Variants in SGCZ observed in about 807,000 individuals in gnomAD.
SGCZ encodes zeta-sarcoglycan.
In SGCZ, 40 loss-of-function variants were observed where a neutral mutation model predicts 41.3. That is an observed-to-expected ratio of 0.97 (90% CI 0.75 to 1.26). SGCZ has a LOEUF of 1.26. Among genes scored for constraint, SGCZ ranks in the 50% most tolerant of loss-of-function variants. The pLI is 0.00. For missense variants in SGCZ, 552 were observed against 369.8 expected (o/e 1.49, Z -4.04); for synonymous variants, 206 against 137.5 (o/e 1.50, Z -3.49).
intron 2 of SGCZ, among the ~76,000 whole-genome samples, chr8:14,337,673 C>G (rs1287838306): frequency 5.9e-5 from 9 of 152,056 alleles, no homozygotes; most frequent in African/African-American, 2.2e-4. Context: ...GAAAACCTAC[C>G]AAATGAGTAT....
chr8:15,052,321 A>G (rs1804544054), intron 1 of SGCZ, among the ~76,000 whole-genome samples: 1 of 152,244 alleles, frequency 6.6e-6, no homozygotes, highest in South Asian at 2.1e-4. Context: ...AATGAAGAAG[A>G]TGAAAAGAGG....
At chr8:14,372,815 C>G (rs1803961120) in intron 2 of SGCZ, among the ~76,000 whole-genome samples, 1 of 151,884 alleles carries the variant, frequency 6.6e-6, no homozygotes. Context: ...CAAGGAGAAA[C>G]AAATGAGACC....
At chr8:14,983,571 C>T (rs1801739233) in intron 1 of SGCZ, among the ~76,000 whole-genome samples, 1 of 151,912 alleles carries the variant, frequency 6.6e-6, no homozygotes, top group South Asian at 2.1e-4. Context: ...TCTCACACTC[C>T]CAGCCTCAAA....
At chr8:14,934,646 TAAGAC>T (rs1383193853) in intron 1 of SGCZ, among the ~76,000 whole-genome samples, 4 of 151,688 alleles carry the variant, frequency 2.6e-5, no homozygotes, top group Non-Finnish European at 4.4e-5. Flanking sequence ...GAAGCAAAAT[TAAGAC>T]AGAATGAGGG....
chr8:14,356,741 T>C (rs941093270), intron 2 of SGCZ, among the ~76,000 whole-genome samples: 3 of 152,106 alleles, frequency 2.0e-5, no homozygotes. Context: ...TTTAATATTG[T>C]CTTTTCAATA....
intron 1 of SGCZ, among the ~76,000 whole-genome samples, chr8:15,226,304 T>G (rs1175843634): frequency 6.6e-6 from 1 of 152,198 alleles, no homozygotes; most frequent in African/African-American, 2.4e-5. Context: ...ATAAGAAATC[T>G]GACCAAACTG....
chr8:15,209,108 T>TC (rs397771267), intron 1 of SGCZ, among the ~76,000 whole-genome samples: 2 of 151,370 alleles, frequency 1.3e-5, no homozygotes, highest in Non-Finnish European at 3.0e-5. Flanking sequence ...ACAAATATCT[T>TC]AGTTTTTCCA....
At chr8:14,908,249 G>A (rs757033725) in intron 1 of SGCZ, among the ~76,000 whole-genome samples, 7 of 152,020 alleles carry the variant, frequency 4.6e-5, no homozygotes, top group South Asian at 2.1e-4. Flanking sequence ...CAATTGGTCC[G>A]CAAAATGTTC....
At chr8:15,160,229 T>C (rs1266297770) in intron 1 of SGCZ, among the ~76,000 whole-genome samples, 1 of 152,210 alleles carries the variant, frequency 6.6e-6, no homozygotes, top group Non-Finnish European at 1.5e-5. Context: ...ATTTGTCTTT[T>C]TGTGGCAGGA....
intron 3 of SGCZ, among the ~76,000 whole-genome samples, chr8:14,268,842 G>T (rs1283559154): frequency 1.3e-5 from 2 of 151,748 alleles, no homozygotes; most frequent in South Asian, 4.1e-4. Context: ...CTTGAAGTAT[G>T]TTAAAAACGT....
Position 14,185,667 on chromosome 8 carries a change from T to G in SGCZ, c.425-20965A>C, listed in dbSNP as rs150563867. ...CTATCTTACTACCCATTGTTTTGTTTTGTTGTGTTTTGTTTTGTTTTGTTT... is the reference window on the plus strand; with the variant it reads ...CTATCTTACTACCCATTGTTTTGTTGTGTTGTGTTTTGTTTTGTTTTGTTT... On this transcript the variant is annotated intron_variant, in intron 4 of 7. Coordinates refer to ENST00000382080, the MANE Select transcript of SGCZ (RefSeq NM_139167.4). Among the ~76,000 whole-genome samples the G allele has an allele frequency of 1.7e-4, 26 of 152,270 alleles. No individual in the cohort carries two copies. The East Asian group carries it at 4.6e-3, about 27-fold the overall frequency.
At chr8:14,974,352 G>C (rs916518528) in intron 1 of SGCZ, among the ~76,000 whole-genome samples, 1 of 152,044 alleles carries the variant, frequency 6.6e-6, no homozygotes, top group Non-Finnish European at 1.5e-5. Context: ...GATATGTTTT[G>C]ACCAGGAAGT....
intron 2 of SGCZ, among the ~76,000 whole-genome samples, chr8:14,333,005 G>C (rs1056444328): frequency 6.6e-6 from 1 of 151,226 alleles, no homozygotes; most frequent in African/African-American, 2.4e-5. Flanking sequence ...AATCCAGTAG[G>C]AACACTTGGA....
intron 1 of SGCZ, among the ~76,000 whole-genome samples, chr8:14,757,489 C>G (rs1402905318): frequency 6.6e-6 from 1 of 152,148 alleles, no homozygotes; most frequent in Non-Finnish European, 1.5e-5. Flanking sequence ...CTAACTATAC[C>G]TAAGAGTTCA....
At chr8:14,441,737 AC>A (rs1800277151) in intron 2 of SGCZ, among the ~76,000 whole-genome samples, 1 of 152,054 alleles carries the variant, frequency 6.6e-6, no homozygotes, top group Non-Finnish European at 1.5e-5. Flanking sequence ...TGCTCTTCTT[AC>A]TTCTCTCCTT....
At chr8:14,534,635 G>C (rs1446112571) in intron 2 of SGCZ, among the ~76,000 whole-genome samples, 1 of 151,806 alleles carries the variant, frequency 6.6e-6, no homozygotes, top group Non-Finnish European at 1.5e-5. Context: ...CAGGAGGGAG[G>C]AGGAACCTTA....
Position 14,209,311 on chromosome 8 carries a change from C to G in SGCZ, c.424+28281G>C, listed in dbSNP as rs116891435. 1.8e-4 allele frequency among the ~76,000 whole-genome samples: 28 copies of G among 152,108 alleles called. 1 individual carries two copies. The highest frequency in any genetic ancestry group is 2.9e-5 in the Non-Finnish European group (2 of 68,022). ...AGAATTCTTATTCAGAAGCCCCTCT[C>G]TCTCACCAGGGAGAGAGCTGTTCTG... On this transcript the variant is annotated intron_variant, in intron 4 of 7. Transcript: ENST00000382080.
In SGCZ at chr8:14,087,907, A is replaced by ATAT. The variant is rs1299640439; in HGVS notation, c.*2533_*2535dup. The stretch of plus-strand genomic sequence containing the variant: ...GAATAGGAAAGCCATCGCTATCACT[A>ATAT]TATTTTCTACTGTACTGAACCGATT... On this transcript the variant is annotated 3_prime_UTR_variant, in exon 8 of 8. Coordinates refer to ENST00000382080, the MANE Select transcript of SGCZ (RefSeq NM_139167.4). Among the ~76,000 whole-genome samples, 1 of 151,618 alleles carries ATAT rather than the reference A, an allele frequency of 6.6e-6. No individual in the cohort carries two copies. Among genetic ancestry groups the ATAT allele is most frequent in the African/African-American group, 2.4e-5 (1 of 41,328 alleles).
intron 1 of SGCZ, among the ~76,000 whole-genome samples, chr8:15,206,912 A>G (rs746622744): frequency 1.3e-5 from 2 of 152,334 alleles, no homozygotes; most frequent in Middle Eastern, 3.4e-3. Flanking sequence ...GATGGAGGAT[A>G]TGAATTAAAA....
Sources: allele counts gnomAD v4.1 joint callset (sites outside exome capture counted in the v4.1 genomes callset), GRCh38; gene constraint gnomAD v4.1.1; transcripts MANE v1.5; gene names NCBI Gene and HGNC (gene_info 2026-07-23, HGNC 2026-07-21).